The following NIBAN2 variants were observed in gnomAD, a reference collection of about 807,000 sequenced individuals.
The protein encoded by NIBAN2 is niban apoptosis regulator 2, also known as protein Niban 2.
In NIBAN2, 36 loss-of-function variants were observed where a neutral mutation model predicts 81.8. The observed-to-expected ratio is 0.44, with a 90% CI of 0.34 to 0.58. The LOEUF (loss-of-function observed/expected upper bound fraction) is 0.58, where lower values mean the gene tolerates loss of function less well. Among genes scored for constraint, NIBAN2 ranks in the 20% least tolerant of loss-of-function variants. The pLI is 0.02. For missense variants in NIBAN2, 897 were observed against 1,014.1 expected (o/e 0.88, Z 1.57); for synonymous variants, 445 against 441.6 (o/e 1.01, Z -0.10).
intron 5 of NIBAN2, among the ~76,000 whole-genome samples, chr9:127,520,638 G>A (rs1318523738): frequency 1.3e-5 from 2 of 152,096 alleles, no homozygotes; most frequent in African/African-American, 2.4e-5. Context: ...CATTTTGGCC[G>A]GGCACAGTGA....
chr9:127,553,392 G>T (rs1837612523), intron 1 of NIBAN2, among the ~76,000 whole-genome samples: 1 of 152,196 alleles, frequency 6.6e-6, no homozygotes, highest in Non-Finnish European at 1.5e-5. Context: ...GGCTGCTGAG[G>T]CTCCTCCAGG....
rs1218997793 is a variant in NIBAN2 at position 127,545,439 on chromosome 9, G to A, written c.56-13661C>T. ...CCAGGGGGGTGCTTGATAAACAAGT[G>A]CCGAACAAGTGTTAGGTCACCCAGC... On this transcript the variant is annotated intron_variant, in intron 1 of 13. Coordinates refer to ENST00000373312, the MANE Select transcript of NIBAN2 (RefSeq NM_022833.4). The surrounding 1 kb of genome is among the most constrained non-coding windows in gnomAD (Gnocchi z 4.7). 6.6e-6 allele frequency among the ~76,000 whole-genome samples: 1 copy of A among 152,172 alleles called. No homozygotes were observed. The highest frequency in any genetic ancestry group is 2.1e-4 in the South Asian group (1 of 4,834).
chr9:127,535,159 G>C (rs1280319208), intron 1 of NIBAN2, among the ~76,000 whole-genome samples: 1 of 152,228 alleles, frequency 6.6e-6, no homozygotes, highest in Non-Finnish European at 1.5e-5. Context: ...GCCAGCCCCA[G>C]TGCACCCAGC....
intron 1 of NIBAN2, among the ~76,000 whole-genome samples, chr9:127,554,103 A>G (rs550095177): frequency 6.6e-6 from 1 of 152,346 alleles, no homozygotes; most frequent in Admixed American, 6.5e-5. Context: ...CTGGGGGCTC[A>G]GAGGCTGGGC....
At chr9:127,575,311 C>A (rs7870526) in intron 1 of NIBAN2, among the ~76,000 whole-genome samples, 6,211 of 150,618 alleles carry the variant, frequency 0.041, 199 homozygotes, top group African/African-American at 0.084. Context: ...TCACTGCAAA[C>A]TCAGCCTCCT....
chr9:127,510,097 C>A, intron 9 of NIBAN2, 49 bp downstream of exon 9: 2 of 1,553,106 alleles, frequency 1.3e-6, no homozygotes, highest in Non-Finnish European at 1.8e-6. Flanking sequence ...CTGGGACAGA[C>A]CAGACCTACT....
rs906486525 is a variant in NIBAN2, at chr9:127,545,948, T to G, written c.56-14170A>C. ...GGCAGCTTGTTCTGGGAGCCCAGGA[T>G]GAGGCATGCCTGCCGTCTGGGAACA... On this transcript the variant is annotated intron_variant, in intron 1 of 13. Coordinates refer to ENST00000373312, the MANE Select transcript of NIBAN2 (RefSeq NM_022833.4). This position sits in a 1 kb window ranked among gnomAD's most constrained non-coding sequence, Gnocchi z 4.7. 6.6e-6 allele frequency among the ~76,000 whole-genome samples: 1 copy of G among 152,032 alleles called. No homozygotes were observed. The highest frequency in any genetic ancestry group is 2.4e-5 in the African/African-American group (1 of 41,400).
rs1365074773 is a variant in NIBAN2 at position 127,527,341 on chromosome 9, G to A, written c.187-19C>T. 1.2e-6 allele frequency: 2 copies of A among 1,610,256 alleles called. No individual in the cohort carries two copies. The highest frequency in any genetic ancestry group is 3.3e-5 in the Admixed American group (2 of 60,012). On this transcript the variant is annotated intron_variant, in intron 2 of 13. Coordinates refer to ENST00000373312, the MANE Select transcript of NIBAN2 (RefSeq NM_022833.4). ...GTGGCACCTGTGGGCAGGAGCGGGTGGGGAGTGAGGCCCAGGTCTGGGGGG... is the reference window on the plus strand; with the variant it reads ...GTGGCACCTGTGGGCAGGAGCGGGTAGGGAGTGAGGCCCAGGTCTGGGGGG...
chr9:127,521,416 C>G (rs1411885846), intron 5 of NIBAN2, among the ~76,000 whole-genome samples: 1 of 152,136 alleles, frequency 6.6e-6, no homozygotes, highest in Non-Finnish European at 1.5e-5. Flanking sequence ...GACCTCTGCA[C>G]CCCAGGCCAA....
Position 127,545,571 on chromosome 9 carries a change from C to A in NIBAN2, c.56-13793G>T, listed in dbSNP as rs1837456174. On this transcript the variant is annotated intron_variant, in intron 1 of 13. Coordinates refer to ENST00000373312, the MANE Select transcript of NIBAN2 (RefSeq NM_022833.4). The surrounding 1 kb of genome is among the most constrained non-coding windows in gnomAD (Gnocchi z 4.7). The stretch of plus-strand genomic sequence containing the variant: ...CAGAGGCAGGTCAGGCCCAACAGAG[C>A]CAGGAGTCAGCTGGGGTTTTTCACA... Among the ~76,000 whole-genome samples the A allele has an allele frequency of 6.6e-6, 1 of 152,084 alleles. No homozygotes were observed. Among genetic ancestry groups the A allele is most frequent in the Admixed American group, 6.6e-5 (1 of 15,266 alleles).
rs1309200912 is a variant in NIBAN2 at position 127,535,465 on chromosome 9, G to C, written c.56-3687C>G. On this transcript the variant is annotated intron_variant, in intron 1 of 13. Transcript: ENST00000373312. ...CCCAAGTTGGGCAGGCTGTGGACTGGAGAGGAAGCTGCAGGAAGCTCTGAG... is the reference window on the plus strand; with the variant it reads ...CCCAAGTTGGGCAGGCTGTGGACTGCAGAGGAAGCTGCAGGAAGCTCTGAG... Among the ~76,000 whole-genome samples, 4 of 152,206 alleles carry C rather than the reference G, an allele frequency of 2.6e-5. No individual in the cohort carries two copies. In the East Asian group the frequency reaches 7.7e-4, roughly 29 times the overall value.
At chr9:127,560,268 G>A (rs1004612021) in intron 1 of NIBAN2, among the ~76,000 whole-genome samples, 2 of 151,906 alleles carry the variant, frequency 1.3e-5, no homozygotes, top group Admixed American at 6.6e-5. Context: ...ACATCAGCTC[G>A]CCCCAGCCCT....
rs575057137 is a variant in NIBAN2, at chr9:127,517,496, G to A, written c.706-280C>T. Reference sequence around the variant, plus strand: ...GAATACCATACTCCCTCCCTGCTTTGCCTGCACATGGAAGTGTACATTTAT... The same window carrying A: ...GAATACCATACTCCCTCCCTGCTTTACCTGCACATGGAAGTGTACATTTAT... On this transcript the variant is annotated intron_variant, in intron 6 of 13. Coordinates refer to ENST00000373312, the MANE Select transcript of NIBAN2 (RefSeq NM_022833.4). The surrounding 1 kb of genome is among the most constrained non-coding windows in gnomAD (Gnocchi z 4.0). Among the ~76,000 whole-genome samples, 51 of 152,268 alleles carry A rather than the reference G, an allele frequency of 3.3e-4. No individual in the cohort carries two copies. Among genetic ancestry groups the A allele is most frequent in the African/African-American group, 1.2e-3 (50 of 41,546 alleles).
chr9:127,563,574 G>T lies in NIBAN2; in HGVS notation c.55+5246C>A, dbSNP rs1223404520. Reference sequence around the variant, plus strand: ...GTCTCACTCTGTCACCCAGGCTGGAGTGCAATGGTGCGATCTCGTCTCACT... The same window carrying T: ...GTCTCACTCTGTCACCCAGGCTGGATTGCAATGGTGCGATCTCGTCTCACT... On this transcript the variant is annotated intron_variant, in intron 1 of 13. Coordinates refer to ENST00000373312, the MANE Select transcript of NIBAN2 (RefSeq NM_022833.4). The surrounding 1 kb of genome is among the most constrained non-coding windows in gnomAD (Gnocchi z 4.1). Among the ~76,000 whole-genome samples, 1 of 151,768 alleles carries T rather than the reference G, an allele frequency of 6.6e-6. No homozygotes were observed. Among genetic ancestry groups the T allele is most frequent in the Non-Finnish European group, 1.5e-5 (1 of 67,992 alleles).
At position 127,566,529 on chromosome 9, in the gene NIBAN2, G is replaced by A. The variant is rs553308023; in HGVS notation, c.55+2291C>T. 1.1e-3 allele frequency among the ~76,000 whole-genome samples: 173 copies of A among 152,310 alleles called. 1 individual carries two copies. The highest frequency in any genetic ancestry group is 2.2e-3 in the Non-Finnish European group (149 of 68,020). On this transcript the variant is annotated intron_variant, in intron 1 of 13. Coordinates refer to ENST00000373312, the MANE Select transcript of NIBAN2 (RefSeq NM_022833.4). ...AAAACAGCACCGTGGCCGGGAGCAC[G>A]CTTGACCTTTGCCAGGACTTGCAGG...
At chr9:127,551,746 A>G (rs986018871) in intron 1 of NIBAN2, among the ~76,000 whole-genome samples, 1 of 152,048 alleles carries the variant, frequency 6.6e-6, no homozygotes, top group African/African-American at 2.4e-5. Context: ...AAGAAAAAGA[A>G]AAGAACTACC....
Position 127,506,922 on chromosome 9 carries a change from G to A in NIBAN2, c.2164C>T (p.Gln722Ter), listed in dbSNP as rs1306041877. Residue 722 changes from glutamine to a stop codon, truncating the protein, a stop_gained, in exon 14 of 14, where the codon CAG (glutamine) becomes TAG (stop). Coordinates refer to ENST00000373312, the MANE Select transcript of NIBAN2 (RefSeq NM_022833.4). LOFTEE classifies it high-confidence loss of function. Reference sequence around the variant, plus strand: ...GGGTGGCTGCTGGGGCTGGACACCTGCTCTCCAGTCTCCTGGTCGCTGGGC... The same window carrying A: ...GGGTGGCTGCTGGGGCTGGACACCTACTCTCCAGTCTCCTGGTCGCTGGGC... ...PKPSDQETGE[Q>*]VSSPSSHPAL... 6.2e-7 allele frequency: 1 copy of A among 1,612,178 alleles called. No homozygotes were observed. Among genetic ancestry groups the A allele is most frequent in the Non-Finnish European group, 8.5e-7 (1 of 1,179,382 alleles).
chr9:127,552,992 A>G (rs1437838691), intron 1 of NIBAN2, among the ~76,000 whole-genome samples: 3 of 152,194 alleles, frequency 2.0e-5, no homozygotes, highest in African/African-American at 7.2e-5. Context: ...TTGCTCAGCC[A>G]TAATGGAATA....
At chr9:127,547,399 C>G (rs1471041024) in intron 1 of NIBAN2, among the ~76,000 whole-genome samples, 1 of 152,152 alleles carries the variant, frequency 6.6e-6, no homozygotes, top group Non-Finnish European at 1.5e-5. Flanking sequence ...TGCCTATAAT[C>G]CCAACTGCTC....
Sources: gnomAD v4.1 joint callset for allele counts (sites outside exome capture counted in the v4.1 genomes callset) on GRCh38, gnomAD v4.1.1 for gene constraint, Gnocchi (gnomAD v3.1) non-coding constraint, MANE v1.5 for transcripts, NCBI Gene and HGNC (gene_info 2026-07-23, HGNC 2026-07-21) for gene names.